Variants in TRAP1 observed in about 807,000 individuals in gnomAD.
TRAP1 encodes TNF receptor associated protein 1.
Under a neutral mutation model 89.1 loss-of-function variants are expected in TRAP1, and 102 were observed. The observed-to-expected ratio is 1.15, with a 90% CI of 0.98 to 1.35. TRAP1 has a LOEUF of 1.35. Ranked by LOEUF, TRAP1 falls within the 40% of genes most tolerant of loss-of-function variation. The probability of loss-of-function intolerance (pLI) is 0.00; values close to 1 mark genes in which losing one functional copy is unlikely to be tolerated. For synonymous variants in TRAP1, 508 were observed against 388.0 expected (o/e 1.31, Z -3.64); for missense variants, 1,256 against 945.3 (o/e 1.33, Z -4.31).
In TRAP1 at chr16:3,674,330, G is replaced by C. The variant is rs759791535; in HGVS notation, c.1044+9C>G. The C allele has an allele frequency of 1.2e-6, 2 of 1,613,750 alleles. No individual in the cohort carries two copies. Among genetic ancestry groups the C allele is most frequent in the Middle Eastern group, 3.3e-4 (2 of 6,058 alleles). ...CCCTGAGGGCCGTGGGACTGCCACAGTGCCTCACCATGTCGGGCACGTAGA... is the reference window on the plus strand; with the variant it reads ...CCCTGAGGGCCGTGGGACTGCCACACTGCCTCACCATGTCGGGCACGTAGA... On this transcript the variant is annotated intron_variant, in intron 9 of 17. Transcript: ENST00000246957.
chr16:3,661,974 A>C lies in TRAP1; in HGVS notation c.1940+13T>G, dbSNP rs1239954497. 6.3e-7 allele frequency: 1 copy of C among 1,593,670 alleles called. No homozygotes were observed. The highest frequency in any genetic ancestry group is 1.7e-5 in the Admixed American group (1 of 58,906). On this transcript the variant is annotated intron_variant, in intron 16 of 17. Coordinates refer to ENST00000246957, the MANE Select transcript of TRAP1 (RefSeq NM_016292.3). Reference sequence around the variant, plus strand: ...AATCCCACAGGCTGGAAGAGCCAGGAGCGTGGCCTCACCTGGGGTTGATCT... The same window carrying C: ...AATCCCACAGGCTGGAAGAGCCAGGCGCGTGGCCTCACCTGGGGTTGATCT...
intron 15 of TRAP1, chr16:3,662,452 TG>T: frequency 1.9e-6 from 1 of 536,020 alleles, no homozygotes; most frequent in Non-Finnish European, 3.4e-6. Flanking sequence ...TGACCATGCA[TG>T]GGACGCTCAT....
chr16:3,661,171 C>G (rs968593206), intron 16 of TRAP1: 3 of 151,886 alleles, frequency 2.0e-5, no homozygotes, highest in African/African-American at 7.3e-5. Context: ...AAAAATGGTA[C>G]CAGAACCCTA....
At chr16:3,688,055 G>A (rs2051161696) in intron 3 of TRAP1, among the ~76,000 whole-genome samples, 1 of 152,120 alleles carries the variant, frequency 6.6e-6, no homozygotes, top group South Asian at 2.1e-4. Flanking sequence ...GAAATCTGCT[G>A]CTTTACAAAC....
chr16:3,689,120 C>A lies in TRAP1; in HGVS notation c.265G>T (p.Glu89Ter). ...ESVQGSTSKH[E>*]FQAETKKLLD... ...AGCTTCTTTGTCTCGGCCTGGAACT[C>A]ATGTTTGGAAGTGGAACCTAGTAAT... The change falls in exon 3 of 18, where the codon GAG (glutamate) becomes TAG (stop). Residue 89 changes from glutamate (E) to a stop codon, truncating the protein, a stop_gained. Transcript: ENST00000246957. LOFTEE classifies it high-confidence loss of function. The A allele has an allele frequency of 6.2e-7, 1 of 1,613,614 alleles. No individual in the cohort carries two copies. The highest frequency in any genetic ancestry group is 8.5e-7 in the Non-Finnish European group (1 of 1,179,800).
In TRAP1 at chr16:3,663,487, A is replaced by C; in HGVS notation, c.1645T>G (p.Ser549Ala). The C allele has an allele frequency of 6.2e-7, 1 of 1,614,174 alleles. No individual in the cohort carries two copies. Among genetic ancestry groups the C allele is most frequent in the African/African-American group, 1.3e-5 (1 of 75,048 alleles). Residue 549 changes from serine (S) to alanine (A), a missense_variant, in exon 14 of 18, where the codon TCT (serine) becomes GCT (alanine). Coordinates refer to ENST00000246957, the MANE Select transcript of TRAP1 (RefSeq NM_016292.3). ...LREFDKKKLISVETDIVVDHY... is the reference protein window; with the variant it reads ...LREFDKKKLIAVETDIVVDHY... ...TCCACGACTATGTCCGTCTCCACAG[A>C]GATCAGCTTCTTCTTGTCAAACTCA...
At chr16:3,658,255 TTATGAGGGGCATGGGGCACC>T (rs1567215290) in intron 17 of TRAP1, 25 bp from the exon 18 acceptor site, 1 of 1,580,146 alleles carries the variant, frequency 6.3e-7, no homozygotes, top group African/African-American at 1.4e-5. Flanking sequence ...GAGAAACCCA[TTATGAGGGGCATGGGGCACC>T]TTTTCATTTT....
intron 3 of TRAP1, among the ~76,000 whole-genome samples, chr16:3,688,608 G>A (rs1194628441): frequency 6.6e-6 from 1 of 152,064 alleles, no homozygotes; most frequent in Non-Finnish European, 1.5e-5. Context: ...CCAGCCTCCT[G>A]AGTAGCTGGG....
At chr16:3,701,717 T>C (rs1342704153) in intron 1 of TRAP1, among the ~76,000 whole-genome samples, 2 of 151,824 alleles carry the variant, frequency 1.3e-5, no homozygotes, top group Non-Finnish European at 2.9e-5. Context: ...CAGAGAAGGG[T>C]GCGTCCCTGA....
At chr16:3,676,216 G>A (rs562030012) in intron 6 of TRAP1, 71 bp from the exon 7 acceptor site, 17 of 1,340,248 alleles carry the variant, frequency 1.3e-5, no homozygotes, top group East Asian at 1.2e-4. Flanking sequence ...GGACTCCAGC[G>A]GTTCCCGAGG....
intron 13 of TRAP1, 115 bp downstream of exon 13, chr16:3,664,159 C>T (rs2050766335): frequency 1.7e-6 from 2 of 1,147,416 alleles, no homozygotes; most frequent in Admixed American, 6.4e-5. Flanking sequence ...GACCCTGACC[C>T]ACTGTGCAGC....
intron 1 of TRAP1, 21 bp from the exon 2 acceptor site, chr16:3,691,006 A>G (rs1211000719): frequency 1.4e-6 from 2 of 1,458,400 alleles, no homozygotes; most frequent in Non-Finnish European, 1.8e-6. Flanking sequence ...AAATATGCAG[A>G]AAGAATGAGA....
chr16:3,663,443 C>T lies in TRAP1; in HGVS notation c.1689G>A (p.Lys563=), dbSNP rs2050737434. Residue 563 remains lysine (K), a synonymous_variant, in exon 14 of 18, where the codon AAG becomes AAA. Transcript: ENST00000246957. The part of the protein sequence containing the change: ...DIVVDHYKEE[K]FEDRSPAAEC... ...GCCGACCTGGGGACCTGTCCTCAAACTTCTCCTCCTTGTAGTGATCCACGA... is the reference window on the plus strand; with the variant it reads ...GCCGACCTGGGGACCTGTCCTCAAATTTCTCCTCCTTGTAGTGATCCACGA... 6.2e-7 allele frequency: 1 copy of T among 1,614,140 alleles called. No individual in the cohort carries two copies. The highest frequency in any genetic ancestry group is 8.5e-7 in the Non-Finnish European group (1 of 1,180,006).
At chr16:3,663,017 G>T in intron 14 of TRAP1, 50 bp from the exon 15 acceptor site, 1 of 1,441,798 alleles carries the variant, frequency 6.9e-7, no homozygotes, top group African/African-American at 1.4e-5. Context: ...CCAACTCCCC[G>T]GCTTCCATGG....
intron 16 of TRAP1, chr16:3,659,780 G>C (rs1227451771): frequency 6.8e-6 from 1 of 146,550 alleles, no homozygotes; most frequent in Non-Finnish European, 1.5e-5. Context: ...TAGATAGATA[G>C]ACTCTCACTC....
chr16:3,670,484 TGA>T (rs1350427291), intron 11 of TRAP1, among the ~76,000 whole-genome samples: 4 of 150,772 alleles, frequency 2.7e-5, no homozygotes, highest in Non-Finnish European at 5.9e-5. Flanking sequence ...AAGGATCGCT[TGA>T]GCCCAGGAGT....
intron 1 of TRAP1, among the ~76,000 whole-genome samples, chr16:3,695,714 T>TA (rs1204180125): frequency 1.3e-5 from 2 of 152,084 alleles, no homozygotes; most frequent in African/African-American, 4.8e-5. Context: ...CTTTGACTGT[T>TA]ACTGTAAAAC....
Position 3,663,429 on chromosome 16 carries a change from G to A in TRAP1, c.1703C>T (p.Ser568Phe), listed in dbSNP as rs1425422018. 1.2e-6 allele frequency: 2 copies of A among 1,614,038 alleles called. No homozygotes were observed. The highest frequency in any genetic ancestry group is 1.6e-4 in the Middle Eastern group (1 of 6,062). The change falls in exon 14 of 18, where the codon TCC becomes TTC. Residue 568 changes from serine (S) to phenylalanine (F), a missense_variant. By Grantham distance (155) the Ser-to-Phe change is radical (BLOSUM62 -2). Coordinates refer to ENST00000246957, the MANE Select transcript of TRAP1 (RefSeq NM_016292.3). ...AGAGAGCAGGGGATGCCGACCTGGG[G>A]ACCTGTCCTCAAACTTCTCCTCCTT... is the stretch of plus-strand genomic sequence containing the variant. ...HYKEEKFEDRSPAAECLSEKE... is the reference protein window; with the variant it reads ...HYKEEKFEDRFPAAECLSEKE...
chr16:3,671,802 C>T lies in TRAP1; in HGVS notation c.1166-11G>A, dbSNP rs201886607. On this transcript the variant is annotated splice_polypyrimidine_tract_variant and intron_variant, in intron 10 of 17. Coordinates refer to ENST00000246957, the MANE Select transcript of TRAP1 (RefSeq NM_016292.3). ...CACTGTCCACCACACCTGGGAGACA[C>T]GGCAGTCAGCTTCTCCCGGGGCTGC... 9.9e-4 allele frequency: 1,585 copies of T among 1,600,374 alleles called. 2 individuals are homozygous for T. The highest frequency in any genetic ancestry group is 1.2e-3 in the Admixed American group (72 of 59,526).
Sources: gnomAD v4.1 joint callset for allele counts (sites outside exome capture counted in the v4.1 genomes callset) on GRCh38, gnomAD v4.1.1 for gene constraint, MANE v1.5 for transcripts, NCBI Gene and HGNC (gene_info 2026-07-23, HGNC 2026-07-21) for gene names.